The following CTNNA3 variants were observed in gnomAD, a reference collection of about 807,000 sequenced individuals.
CTNNA3 encodes catenin alpha-3.
CTNNA3 carries 76 observed loss-of-function variants against 95.7 expected under a neutral mutation model. That is an observed-to-expected ratio of 0.79 (90% confidence interval 0.66 to 0.96). The LOEUF is 0.96. Among genes scored for constraint, CTNNA3 ranks in the 40% least tolerant of loss-of-function variants. The pLI is 0.00. For missense variants in CTNNA3, 1,191 were observed against 1,089.8 expected, an observed-to-expected ratio of 1.09 and a Z score of -1.31; for synonymous variants, 431 against 374.4, an observed-to-expected ratio of 1.15 and a Z score of -1.74.
chr10:66,795,744 A>T (rs898460443), intron 7 of CTNNA3, among the ~76,000 whole-genome samples: 1 of 152,126 alleles, frequency 6.6e-6, no homozygotes, highest in African/African-American at 2.4e-5. Context: ...ATATGTTGTT[A>T]AGTGTAACTA....
chr10:67,761,307 C>T (rs1231630726), intron 1 of CTNNA3, among the ~76,000 whole-genome samples: 4 of 152,144 alleles, frequency 2.6e-5, no homozygotes, highest in Admixed American at 6.6e-5. Context: ...GGTTTCCTGC[C>T]TGTAGATGAA....
At chr10:67,236,736 T>C (rs1490357904) in intron 5 of CTNNA3, among the ~76,000 whole-genome samples, 1 of 151,306 alleles carries the variant, frequency 6.6e-6, no homozygotes, top group Non-Finnish European at 1.5e-5. Context: ...AAAATGCACA[T>C]CACTAATGAT....
At chr10:66,246,314 G>A (rs370254883) in intron 13 of CTNNA3, among the ~76,000 whole-genome samples, 76 of 152,150 alleles carry the variant, frequency 5.0e-4, no homozygotes, top group East Asian at 2.2e-3. Flanking sequence ...CCACAACTGC[G>A]CCCAGGGTTG....
chr10:65,972,878 T>G (rs894286439), intron 16 of CTNNA3, among the ~76,000 whole-genome samples: 1 of 145,480 alleles, frequency 6.9e-6, no homozygotes, highest in African/African-American at 2.5e-5. Context: ...AAGAAATATC[T>G]TGAATAGACA....
At chr10:66,806,930 T>C (rs1458289700) in intron 7 of CTNNA3, among the ~76,000 whole-genome samples, 2 of 151,914 alleles carry the variant, frequency 1.3e-5, no homozygotes, top group African/African-American at 4.8e-5. Context: ...TCTATGTTGA[T>C]AGAAACCAAA....
chr10:67,050,812 A>G (rs1283894886), intron 7 of CTNNA3, among the ~76,000 whole-genome samples: 2 of 152,232 alleles, frequency 1.3e-5, no homozygotes, highest in Non-Finnish European at 2.9e-5. Context: ...TTTTTATTCA[A>G]TGGCTCATCT....
At chr10:66,158,907 T>C (rs953641503) in intron 13 of CTNNA3, among the ~76,000 whole-genome samples, 1 of 147,608 alleles carries the variant, frequency 6.8e-6, no homozygotes, top group African/African-American at 2.7e-5. Context: ...TTTATTTTTA[T>C]TTTTTTGCAG....
intron 17 of CTNNA3, among the ~76,000 whole-genome samples, chr10:65,943,073 T>TC (rs1304327164): frequency 6.6e-6 from 1 of 151,438 alleles, no homozygotes; most frequent in Non-Finnish European, 1.5e-5. Context: ...TTTTTCTTTT[T>TC]TTTTTTTTGA....
chr10:67,117,931 C>T lies in CTNNA3; in HGVS notation c.1047+62386G>A, dbSNP rs920439684. On this transcript the variant is annotated intron_variant, in intron 7 of 17. Coordinates refer to ENST00000433211, the MANE Select transcript of CTNNA3 (RefSeq NM_013266.4). ...TTCATAGATATTTATAGCAATCAAA[C>T]GGGTAAATGACTGCTTTTCATGACC... is the stretch of plus-strand genomic sequence containing the variant. Among the ~76,000 whole-genome samples the T allele has an allele frequency of 4.6e-5, 7 of 151,890 alleles. No individual in the cohort carries two copies. The South Asian group carries it at 8.3e-4, about 18-fold the overall frequency.
rs16924673 is a variant in CTNNA3 at position 67,571,313 on chromosome 10, T to A, written c.293-31644A>T. On this transcript the variant is annotated intron_variant, in intron 3 of 17. Coordinates refer to ENST00000433211, the MANE Select transcript of CTNNA3 (RefSeq NM_013266.4). ...ATATTTGTTGACTGTTTGATAATTGTGTATCTCCATTTCCCTTTATTTTTT... is the reference window on the plus strand; with the variant it reads ...ATATTTGTTGACTGTTTGATAATTGAGTATCTCCATTTCCCTTTATTTTTT... Among the ~76,000 whole-genome samples, 4,439 of 152,236 alleles carry A rather than the reference T, an allele frequency of 0.029. 465 individuals carry two copies. The East Asian group carries it at 0.37, about 13-fold the overall frequency.
rs10997034 is a variant in CTNNA3, at chr10:66,280,482, G to T, written c.1872C>A (p.Val624=). The part of the protein sequence containing the change: ...YDTIHDIRCS[V]MMIRTPEELE... ...AAAGCAAACTTACCCGAATCATCAT[G>T]ACTGAACATCTGATATCATGAATTG... Residue 624 remains valine (V), a synonymous_variant, in exon 13 of 18, where the codon GTC becomes GTA. Transcript: ENST00000433211. The T allele has an allele frequency of 0.026, 41,960 of 1,603,824 alleles. 1,232 individuals are homozygous for T. The highest frequency in any genetic ancestry group is 0.11 in the African/African-American group (8,094 of 73,996).
At chr10:67,083,688 T>C (rs958736615) in intron 7 of CTNNA3, among the ~76,000 whole-genome samples, 4 of 152,130 alleles carry the variant, frequency 2.6e-5, no homozygotes, top group Non-Finnish European at 2.9e-5. Context: ...ACCCTATCAA[T>C]AATACATATA....
chr10:65,985,474 A>C (rs1190384616), intron 16 of CTNNA3, among the ~76,000 whole-genome samples: 1 of 151,394 alleles, frequency 6.6e-6, no homozygotes, highest in Non-Finnish European at 1.5e-5. Flanking sequence ...GAAATCTAAA[A>C]AAAGGAAACT....
chr10:66,999,300 T>C (rs957916221), intron 7 of CTNNA3, among the ~76,000 whole-genome samples: 5 of 152,156 alleles, frequency 3.3e-5, no homozygotes, highest in East Asian at 1.9e-4. Flanking sequence ...AAAATAGGCA[T>C]TGCTAAATCG....
intron 17 of CTNNA3, among the ~76,000 whole-genome samples, chr10:65,949,552 T>G (rs2077576216): frequency 6.6e-6 from 1 of 152,150 alleles, no homozygotes; most frequent in South Asian, 2.1e-4. Context: ...ACTGAAGGTC[T>G]GTTCTCAGAA....
intron 2 of CTNNA3, among the ~76,000 whole-genome samples, chr10:67,615,388 G>A (rs1238605770): frequency 4.6e-5 from 7 of 152,114 alleles, no homozygotes; most frequent in African/African-American, 1.7e-4. Flanking sequence ...TCCAAGAAGT[G>A]CACTTACTCC....
intron 13 of CTNNA3, among the ~76,000 whole-genome samples, chr10:66,152,813 T>C (rs2084273270): frequency 6.6e-6 from 1 of 151,994 alleles, no homozygotes. Context: ...TGTTATCCTT[T>C]CTCTTTATTG....
chr10:66,524,144 T>C (rs951333735), intron 10 of CTNNA3, among the ~76,000 whole-genome samples: 2 of 15,190 alleles, frequency 1.3e-4, no homozygotes, highest in Non-Finnish European at 4.1e-4. Flanking sequence ...ACATTTTTCA[T>C]ACTTAACATA....
At chr10:66,752,146 AT>A (rs1197315715) in intron 9 of CTNNA3, among the ~76,000 whole-genome samples, 15 of 152,070 alleles carry the variant, frequency 9.9e-5, no homozygotes, top group Admixed American at 9.8e-4. Context: ...AGCCAAACCA[AT>A]TTTCTTAAAG....
Sources: gnomAD v4.1 joint callset for allele counts (sites outside exome capture counted in the v4.1 genomes callset) on GRCh38, gnomAD v4.1.1 for gene constraint, MANE v1.5 for transcripts, NCBI Gene and HGNC (gene_info 2026-07-23, HGNC 2026-07-21) for gene names.